SRRM2: variants seen among roughly 807,000 people sequenced by gnomAD.
The protein encoded by SRRM2 is serine/arginine repetitive matrix 2.
In SRRM2, 30 loss-of-function variants were observed where a neutral mutation model predicts 213.8. The observed-to-expected ratio is 0.14, with a 90% CI of 0.10 to 0.19. The LOEUF is 0.19. Ranked by LOEUF, SRRM2 falls within the 10% of genes least tolerant of loss-of-function variation. The probability of loss-of-function intolerance (pLI) is 1.00; values close to 1 mark genes in which losing one functional copy is unlikely to be tolerated. For missense variants in SRRM2, 4,904 were observed against 3,647.0 expected, an observed-to-expected ratio of 1.34 and a Z score of -8.88; for synonymous variants, 2,025 against 1,377.7, an observed-to-expected ratio of 1.47 and a Z score of -10.40.
Position 2,771,121 on chromosome 16 carries a change from G to A in SRRM2, c.*254G>A. On this transcript the variant is annotated 3_prime_UTR_variant, in exon 15 of 15. Coordinates refer to ENST00000301740, the MANE Select transcript of SRRM2 (RefSeq NM_016333.4). ...GGAATGCAGATGGGAGTTGGGGGAG[G>A]GGAGGATACAGTTCAGGATACCCCA... 1 of 617,372 alleles carries A rather than the reference G, an allele frequency of 1.6e-6. No individual in the cohort carries two copies. Among genetic ancestry groups the A allele is most frequent in the African/African-American group, 1.8e-5 (1 of 54,130 alleles). The allele number at this position is 617,372 out of a possible 1,614,324, so 38.2% of individuals were successfully genotyped here. A position where few individuals can be genotyped will look rare whatever the true frequency, so the allele number is the denominator to read the frequency against.
intron 11 of SRRM2, 160 bp from the exon 12 acceptor site, chr16:2,768,837 G>A (rs970669407): frequency 4.1e-5 from 59 of 1,452,840 alleles, no homozygotes; most frequent in Non-Finnish European, 5.2e-5. Context: ...GGGTCAGCTC[G>A]CACCACTGCT....
rs1236771592 is a variant in SRRM2 at position 2,764,252 on chromosome 16, G to C, written c.3724G>C (p.Val1242Leu). The change falls in exon 11 of 15, where the codon GTA becomes CTA. Residue 1242 changes from valine (V) to leucine (L), a missense_variant. Transcript: ENST00000301740. ...SSQDEELMEV[V>L]EKSEEPAGQI... ...CCAAGATGAAGAGTTAATGGAGGTG[G>C]TAGAGAAGTCTGAAGAACCCGCAGG... The C allele has an allele frequency of 6.2e-7, 1 of 1,614,074 alleles. No individual in the cohort carries two copies. Among genetic ancestry groups the C allele is most frequent in the South Asian group, 1.1e-5 (1 of 91,058 alleles).
In SRRM2 at chr16:2,769,104, C is replaced by G. The variant is rs181155993; in HGVS notation, c.7841C>G (p.Ser2614Cys). The G allele has an allele frequency of 3.5e-5, 56 of 1,613,952 alleles. No individual in the cohort carries two copies. The Admixed American group carries it at 6.0e-4, about 17-fold the overall frequency. ...CGCTCTAGCAGTTCCAGTTCCAGCT[C>G]CTCCTCTTCATCTTCCTCCTCCTCC... ...KRRSSSSSSSSSSSSSSSSSS... is the reference protein window; with the variant it reads ...KRRSSSSSSSCSSSSSSSSSS... Residue 2614 changes from serine (S) to cysteine (C), a missense_variant, in exon 12 of 15, where the codon TCC (serine) becomes TGC (cysteine). Transcript: ENST00000301740.
At position 2,763,073 on chromosome 16, in the gene SRRM2, C is replaced by G. The variant is rs751281496; in HGVS notation, c.2545C>G (p.Pro849Ala). 6.2e-7 allele frequency: 1 copy of G among 1,614,180 alleles called. No homozygotes were observed. Among genetic ancestry groups the G allele is most frequent in the East Asian group, 2.2e-5 (1 of 44,894 alleles). ...TCATCCTAAAGTGAAATCTGGAACA[C>G]CACCGAGGCAAGGGTCCATAACAAG... Reference protein sequence around the residue: ...SPHPKVKSGTPPRQGSITSPQ... With the variant: ...SPHPKVKSGTAPRQGSITSPQ... The change falls in exon 11 of 15, where the codon CCA becomes GCA. Residue 849 changes from proline to alanine, a missense_variant. Transcript: ENST00000301740.
In SRRM2 at chr16:2,763,765, T is replaced by C. The variant is rs1356910791; in HGVS notation, c.3237T>C (p.Ser1079=). 1 of 1,613,886 alleles carries C rather than the reference T, an allele frequency of 6.2e-7. No individual in the cohort carries two copies. Residue 1079 remains serine, a synonymous_variant, in exon 11 of 15, where the codon AGT becomes AGC. Transcript: ENST00000301740. ...CTTCAAGTCCAGAAGTGAGACAGAGTCATTCAGAATCACCATCTCTGCAGA... is the reference window on the plus strand; with the variant it reads ...CTTCAAGTCCAGAAGTGAGACAGAGCCATTCAGAATCACCATCTCTGCAGA... The part of the protein sequence containing the change: ...SDTSSPEVRQ[S]HSESPSLQSK...
chr16:2,763,220 A>G lies in SRRM2; in HGVS notation c.2692A>G (p.Arg898Gly). ...RHSCSGSSPP[R>G]VKSSTPPRQS... ...TAGCTGCTCAGGGTCCTCTCCTCCT[A>G]GAGTGAAATCTAGCACACCTCCCAG... The change falls in exon 11 of 15, where the codon AGA becomes GGA. Residue 898 changes from arginine to glycine, a missense_variant. By Grantham distance (125) the Arg-to-Gly change is moderately radical. Transcript: ENST00000301740. 1.9e-6 allele frequency: 3 copies of G among 1,614,046 alleles called. No homozygotes were observed. Among genetic ancestry groups the G allele is most frequent in the South Asian group, 1.1e-5 (1 of 91,076 alleles).
intron 11 of SRRM2, 119 bp from the exon 12 acceptor site, chr16:2,768,878 G>T: frequency 6.5e-7 from 1 of 1,547,574 alleles, no homozygotes; most frequent in Non-Finnish European, 8.7e-7. Flanking sequence ...ACGTGGCTCG[G>T]AGAGCTCCCA....
At chr16:2,770,253 G>A (rs1221814596) in intron 12 of SRRM2, 99 bp from the exon 13 acceptor site, 2 of 1,471,728 alleles carry the variant, frequency 1.4e-6, no homozygotes, top group East Asian at 2.5e-5. Context: ...GCCCTGTGTG[G>A]TGTGAGGTTT....
chr16:2,756,056 A>G (rs1223698213), intron 1 of SRRM2, among the ~76,000 whole-genome samples: 3 of 152,120 alleles, frequency 2.0e-5, no homozygotes, highest in African/African-American at 7.2e-5. Flanking sequence ...AAAAGAAGAA[A>G]ATTTAGGTGT....
rs765434910 is a variant in SRRM2 at position 2,766,728 on chromosome 16, C to T, written c.6200C>T (p.Ser2067Phe). 1 of 1,614,190 alleles carries T rather than the reference C, an allele frequency of 6.2e-7. No individual in the cohort carries two copies. Among genetic ancestry groups the T allele is most frequent in the East Asian group, 2.2e-5 (1 of 44,888 alleles). ...RTPRTARGKR[S>F]LTRSPPAIRR... ...CCACGAACAGCTCGGGGTAAACGGTCCTTAACAAGATCTCCTCCAGCCATC... is the reference window on the plus strand; with the variant it reads ...CCACGAACAGCTCGGGGTAAACGGTTCTTAACAAGATCTCCTCCAGCCATC... Residue 2067 changes from serine to phenylalanine, a missense_variant, in exon 11 of 15, where the codon TCC becomes TTC. By Grantham distance (155) the Ser-to-Phe change is radical. Transcript: ENST00000301740. The surrounding 1 kb of genome is among the most constrained non-coding windows in gnomAD (Gnocchi z 7.0).
rs758367830 is a variant in SRRM2 at position 2,767,971 on chromosome 16, A to G, written c.7443A>G (p.Ala2481=). Residue 2481 remains alanine, a synonymous_variant, in exon 11 of 15, where the codon GCA becomes GCG. Coordinates refer to ENST00000301740, the MANE Select transcript of SRRM2 (RefSeq NM_016333.4). ...AGTCCCTTTCCTCTGGGGCAGTGGC[A>G]ACGACCACGTCCTCTGCTGGTGATC... ...GSQSLSSGAV[A]TTTSSAGDHN... 6.1e-5 allele frequency: 99 copies of G among 1,613,906 alleles called. No homozygotes were observed. Among genetic ancestry groups the G allele is most frequent in the East Asian group, 1.6e-4 (7 of 44,886 alleles).
Position 2,767,484 on chromosome 16 carries a change from C to G in SRRM2, c.6956C>G (p.Thr2319Ser). 1 of 1,614,222 alleles carries G rather than the reference C, an allele frequency of 6.2e-7. No individual in the cohort carries two copies. The highest frequency in any genetic ancestry group is 8.5e-7 in the Non-Finnish European group (1 of 1,180,020). The change falls in exon 11 of 15, where the codon ACT becomes AGT. Residue 2319 changes from threonine to serine, a missense_variant. Thr to Ser is a moderately conservative substitution (Grantham distance 58). Transcript: ENST00000301740. The part of the protein sequence containing the change: ...LSLTGSGTPP[T>S]AANYPSSSRT... Reference sequence around the variant, plus strand: ...CTCACAGGCTCTGGCACACCACCAACTGCTGCAAACTATCCCTCCAGCTCC... The same window carrying G: ...CTCACAGGCTCTGGCACACCACCAAGTGCTGCAAACTATCCCTCCAGCTCC...
Position 2,767,477 on chromosome 16 carries a change from C to T in SRRM2, c.6949C>T (p.Pro2317Ser), listed in dbSNP as rs2068583437. Residue 2317 changes from proline to serine, a missense_variant, in exon 11 of 15, where the codon CCA (proline) becomes TCA (serine). By Grantham distance (74) the Pro-to-Ser change is moderately conservative (BLOSUM62 -1). Coordinates refer to ENST00000301740, the MANE Select transcript of SRRM2 (RefSeq NM_016333.4). Reference sequence around the variant, plus strand: ...TCTGAGTCTCACAGGCTCTGGCACACCACCAACTGCTGCAAACTATCCCTC... The same window carrying T: ...TCTGAGTCTCACAGGCTCTGGCACATCACCAACTGCTGCAAACTATCCCTC... Reference protein sequence around the residue: ...AALSLTGSGTPPTAANYPSSS... With the variant: ...AALSLTGSGTSPTAANYPSSS... 11 of 1,614,206 alleles carry T rather than the reference C, an allele frequency of 6.8e-6. No homozygotes were observed. Among genetic ancestry groups the T allele is most frequent in the South Asian group, 6.6e-5 (6 of 91,086 alleles).
At position 2,762,296 on chromosome 16, in the gene SRRM2, G is replaced by A; in HGVS notation, c.1768G>A (p.Ala590Thr). The A allele has an allele frequency of 6.2e-7, 1 of 1,614,122 alleles. No homozygotes were observed. Among genetic ancestry groups the A allele is most frequent in the Non-Finnish European group, 8.5e-7 (1 of 1,180,004 alleles). Reference sequence around the variant, plus strand: ...GGGCAGGTCCCGCTCTAGAACACCTGCCAGGCGGAGATCACGATCCAGAAC... The same window carrying A: ...GGGCAGGTCCCGCTCTAGAACACCTACCAGGCGGAGATCACGATCCAGAAC... ...RRGRSRSRTP[A>T]RRRSRSRTPT... Residue 590 changes from alanine (A) to threonine (T), a missense_variant, in exon 11 of 15, where the codon GCC becomes ACC. Transcript: ENST00000301740.
intron 4 of SRRM2, 130 bp downstream of exon 4, chr16:2,758,075 C>CA (rs1410427667): frequency 4.1e-6 from 5 of 1,216,224 alleles, no homozygotes; most frequent in South Asian, 1.5e-5. Context: ...TTGAGGTGTC[C>CA]AAAAAAATGT....
intron 10 of SRRM2, 156 bp downstream of exon 10, chr16:2,760,655 A>G (rs899453333): frequency 1.3e-6 from 1 of 777,278 alleles, no homozygotes; most frequent in Non-Finnish European, 2.0e-6. Flanking sequence ...CATCTGCAGA[A>G]CTTTTAGTGT....
intron 9 of SRRM2, 66 bp from the exon 10 acceptor site, chr16:2,760,235 G>T: frequency 6.7e-7 from 1 of 1,499,210 alleles, no homozygotes; most frequent in Non-Finnish European, 9.1e-7. Flanking sequence ...AGTTGGGGAG[G>T]GGGTTTTCTG....
At position 2,770,980 on chromosome 16, in the gene SRRM2, A is replaced by T. The variant is rs763843417; in HGVS notation, c.*113A>T. 4 of 1,384,186 alleles carry T rather than the reference A, an allele frequency of 2.9e-6. No homozygotes were observed. In the East Asian group the frequency reaches 9.5e-5, roughly 33 times the overall value. 85.7% of individuals were successfully genotyped at this position (1,384,186 alleles called of 1,614,324 possible). A position where few individuals can be genotyped will look rare whatever the true frequency, so the allele number is the denominator to read the frequency against. The stretch of plus-strand genomic sequence containing the variant: ...TGTCTGCTCTCCTTTGAACCTTGGC[A>T]GCCCTTGGATGGAGGGCTCCCTTTC... On this transcript the variant is annotated 3_prime_UTR_variant, in exon 15 of 15. Transcript: ENST00000301740.
rs1434442471 is a variant in SRRM2 at position 2,765,993 on chromosome 16, C to T, written c.5465C>T (p.Ser1822Leu). 1 of 1,614,172 alleles carries T rather than the reference C, an allele frequency of 6.2e-7. No homozygotes were observed. The highest frequency in any genetic ancestry group is 8.5e-7 in the Non-Finnish European group (1 of 1,180,028). ...RRRRGGSGYH[S>L]RSPARQESSR... ...CGGAGGGGAGGCTCTGGTTATCACT[C>T]AAGGTCACCTGCCCGGCAGGAAAGT... Residue 1822 changes from serine to leucine, a missense_variant, in exon 11 of 15, where the codon TCA becomes TTA. Physicochemically the swap from Ser to Leu is moderately radical, Grantham distance 145. Transcript: ENST00000301740.
Sources: gnomAD v4.1 joint callset for allele counts (sites outside exome capture counted in the v4.1 genomes callset) on GRCh38, gnomAD v4.1.1 for gene constraint, Gnocchi (gnomAD v3.1) non-coding constraint, MANE v1.5 for transcripts, NCBI Gene and HGNC (gene_info 2026-07-23, HGNC 2026-07-21) for gene names.